The following TRDN variants were observed in gnomAD, a reference collection of about 807,000 sequenced individuals.
TRDN encodes triadin in skeletal muscle.
TRDN carries 161 observed loss-of-function variants against 149.7 expected under a neutral mutation model. The observed-to-expected ratio is 1.08, with a 90% CI of 0.95 to 1.23. The LOEUF (loss-of-function observed/expected upper bound fraction) is 1.23, where lower values mean the gene tolerates loss of function less well. TRDN is among the 50% of genes most tolerant of loss of function. The pLI, the probability that TRDN is intolerant of heterozygous loss-of-function variation, is 0.00. For synonymous variants in TRDN, 294 were observed against 250.5 expected (o/e 1.17, Z -1.64); for missense variants, 896 against 823.5 (o/e 1.09, Z -1.08).
chr6:123,571,647 T>C (rs924409164), intron 1 of TRDN, among the ~76,000 whole-genome samples: 3 of 152,090 alleles, frequency 2.0e-5, no homozygotes, highest in Non-Finnish European at 4.4e-5. Flanking sequence ...AAAAATAAAA[T>C]AAATAGATAA....
chr6:123,410,511 A>G (rs889851358), intron 12 of TRDN, among the ~76,000 whole-genome samples: 5 of 152,202 alleles, frequency 3.3e-5, no homozygotes, highest in Admixed American at 6.5e-5. Flanking sequence ...TTTTCTCTTC[A>G]CTTATTGAAA....
intron 24 of TRDN, among the ~76,000 whole-genome samples, chr6:123,302,687 A>T (rs1457729167): frequency 6.6e-6 from 1 of 152,186 alleles, no homozygotes; most frequent in Non-Finnish European, 1.5e-5. Context: ...TTGTGGCAAG[A>T]GAGAAGCTTG....
chr6:123,620,794 A>G (rs1418252717), intron 1 of TRDN, among the ~76,000 whole-genome samples: 3 of 152,166 alleles, frequency 2.0e-5, no homozygotes, highest in Non-Finnish European at 2.9e-5. Context: ...GGAAGAATAG[A>G]AGTGGAAACC....
rs559877851 is a variant in TRDN, at chr6:123,477,710, C to G, written c.854-12727G>C. 3.5e-4 allele frequency among the ~76,000 whole-genome samples: 53 copies of G among 152,162 alleles called. 1 individual carries two copies. In the South Asian group the frequency reaches 0.011, roughly 30 times the overall value. On this transcript the variant is annotated intron_variant, in intron 9 of 40. Coordinates refer to ENST00000334268, the MANE Select transcript of TRDN (RefSeq NM_006073.4). ...ATTAAGAAAATGTGGCACATATACA[C>G]CATGGAATACTATGCACCATAAAAA...
intron 5 of TRDN, 29 bp downstream of exon 5, chr6:123,530,477 G>T (rs2114338561): frequency 8.5e-7 from 1 of 1,172,090 alleles, no homozygotes; most frequent in South Asian, 1.8e-5. Flanking sequence ...ATATCTAAAT[G>T]AAGAATAAAC....
intron 1 of TRDN, among the ~76,000 whole-genome samples, chr6:123,591,446 A>G (rs2114619627): frequency 6.6e-6 from 1 of 152,220 alleles, no homozygotes; most frequent in African/African-American, 2.4e-5. Context: ...GGGTTTCACC[A>G]TGTTGGCCAG....
At chr6:123,301,885 C>T (rs557661942) in intron 24 of TRDN, among the ~76,000 whole-genome samples, 179 of 147,610 alleles carry the variant, frequency 1.2e-3, no homozygotes, top group African/African-American at 4.2e-3. Context: ...ATTCATATGG[C>T]GGTCTGCGTG....
intron 1 of TRDN, among the ~76,000 whole-genome samples, chr6:123,594,402 C>T (rs1783930755): frequency 6.6e-6 from 1 of 152,028 alleles, no homozygotes; most frequent in African/African-American, 2.4e-5. Context: ...TAACTCTCTT[C>T]AATTCTGTGA....
intron 38 of TRDN, among the ~76,000 whole-genome samples, chr6:123,239,198 T>C (rs1311565607): frequency 6.6e-6 from 1 of 152,096 alleles, no homozygotes; most frequent in Non-Finnish European, 1.5e-5. Flanking sequence ...TAAAGATAAA[T>C]GTTCAATATA....
chr6:123,456,657 T>G (rs139137233), intron 10 of TRDN, among the ~76,000 whole-genome samples: 3 of 152,052 alleles, frequency 2.0e-5, no homozygotes, highest in African/African-American at 7.2e-5. Context: ...TTTGTAGAGA[T>G]AGGGTTTCGC....
At position 123,427,285 on chromosome 6, in the gene TRDN, T is replaced by G. The variant is rs78068015; in HGVS notation, c.1051+10778A>C. ...AACTCTTGACCACGCCTTTTGTTTT[T>G]TTTTTTTAATAACTAACCTTCTAGA... On this transcript the variant is annotated intron_variant, in intron 12 of 40. Coordinates refer to ENST00000334268, the MANE Select transcript of TRDN (RefSeq NM_006073.4). Among the ~76,000 whole-genome samples, 868 of 151,902 alleles carry G rather than the reference T, an allele frequency of 5.7e-3. 26 individuals are homozygous for G. In the East Asian group the frequency reaches 0.058, roughly 10 times the overall value.
Position 123,239,592 on chromosome 6 carries a change from G to A in TRDN, c.1975+12820C>T, listed in dbSNP as rs375307196. 3.3e-5 allele frequency among the ~76,000 whole-genome samples: 5 copies of A among 152,008 alleles called. No individual in the cohort carries two copies. In the South Asian group the frequency reaches 6.2e-4, roughly 19 times the overall value. On this transcript the variant is annotated intron_variant, in intron 38 of 40. Coordinates refer to ENST00000334268, the MANE Select transcript of TRDN (RefSeq NM_006073.4). The stretch of plus-strand genomic sequence containing the variant: ...TGGAGTTCGGTTAAATAAGAATAAC[G>A]TCAGTAATTCTCATAGGTTTAGAAA...
At chr6:123,627,030 G>C (rs1385652568) in intron 1 of TRDN, among the ~76,000 whole-genome samples, 1 of 152,008 alleles carries the variant, frequency 6.6e-6, no homozygotes, top group Non-Finnish European at 1.5e-5. Context: ...CCGGGTTCAA[G>C]TAATTCTCCT....
At chr6:123,590,208 G>T (rs1164923357) in intron 1 of TRDN, among the ~76,000 whole-genome samples, 3 of 152,104 alleles carry the variant, frequency 2.0e-5, no homozygotes, top group African/African-American at 7.2e-5. Context: ...TCCAGGGCTT[G>T]CATTACCGCC....
At chr6:123,232,859 T>C (rs1415760006) in intron 38 of TRDN, among the ~76,000 whole-genome samples, 2 of 152,038 alleles carry the variant, frequency 1.3e-5, no homozygotes, top group African/African-American at 4.8e-5. Context: ...TATATGCTCT[T>C]AGCAAACACT....
Position 123,319,765 on chromosome 6 carries a change from C to G in TRDN, c.1472-3270G>C, listed in dbSNP as rs570337540. 5.3e-5 allele frequency among the ~76,000 whole-genome samples: 8 copies of G among 152,172 alleles called. No individual in the cohort carries two copies. The South Asian group carries it at 1.7e-3, about 32-fold the overall frequency. On this transcript the variant is annotated intron_variant, in intron 23 of 40. Coordinates refer to ENST00000334268, the MANE Select transcript of TRDN (RefSeq NM_006073.4). Reference sequence around the variant, plus strand: ...TTGGGGAAATATGGAACCAAAAAGTCCCCATGCTAAGTTGTTGAGGCAGGC... The same window carrying G: ...TTGGGGAAATATGGAACCAAAAAGTGCCCATGCTAAGTTGTTGAGGCAGGC...
intron 20 of TRDN, among the ~76,000 whole-genome samples, chr6:123,360,747 G>A (rs1293577378): frequency 6.6e-6 from 1 of 150,970 alleles, no homozygotes; most frequent in Non-Finnish European, 1.5e-5. Flanking sequence ...GAGAGACAGG[G>A]AGAGAGAGAG....
At chr6:123,617,081 T>C (rs1316639375) in intron 1 of TRDN, among the ~76,000 whole-genome samples, 1 of 152,182 alleles carries the variant, frequency 6.6e-6, no homozygotes, top group Non-Finnish European at 1.5e-5. Context: ...ATGGGTTTCA[T>C]GAAATTAATC....
intron 28 of TRDN, 133 bp from the exon 29 acceptor site, chr6:123,273,144 T>C (rs937392137): frequency 1.3e-6 from 1 of 748,874 alleles, no homozygotes; most frequent in Non-Finnish European, 2.0e-6. Context: ...TATGTAAAAC[T>C]TAAAGGTTTT....
Sources: allele counts gnomAD v4.1 joint callset (sites outside exome capture counted in the v4.1 genomes callset), GRCh38; gene constraint gnomAD v4.1.1; transcripts MANE v1.5; gene names NCBI Gene and HGNC (gene_info 2026-07-23, HGNC 2026-07-21).